GATA4: variants seen among roughly 807,000 people sequenced by gnomAD.
GATA4 encodes GATA binding protein 4.
In GATA4, 7 loss-of-function variants were observed where a neutral mutation model predicts 37.9. That is an observed-to-expected ratio of 0.18 (90% confidence interval 0.11 to 0.35). The LOEUF is 0.35. Ranked by LOEUF, GATA4 falls within the 10% of genes least tolerant of loss-of-function variation. The pLI is 1.00. For missense variants in GATA4, 647 were observed against 653.0 expected, an observed-to-expected ratio of 0.99 and a Z score of 0.10; for synonymous variants, 372 against 292.6, an observed-to-expected ratio of 1.27 and a Z score of -2.77.
At chr8:11,743,984 A>G (rs182734331) in intron 2 of GATA4, among the ~76,000 whole-genome samples, 3 of 152,350 alleles carry the variant, frequency 2.0e-5, no homozygotes, top group Admixed American at 2.0e-4. Flanking sequence ...TCATTGCTAA[A>G]CTAATCATTA....
At chr8:11,742,363 C>T (rs1211728997) in intron 2 of GATA4, among the ~76,000 whole-genome samples, 7 of 150,202 alleles carry the variant, frequency 4.7e-5, no homozygotes, top group African/African-American at 1.2e-4. Flanking sequence ...CCCCTCCCTC[C>T]GTTCTTGTTT....
At chr8:11,752,631 A>G (rs1802358958) in intron 4 of GATA4, among the ~76,000 whole-genome samples, 1 of 152,212 alleles carries the variant, frequency 6.6e-6, no homozygotes, top group African/African-American at 2.4e-5. Flanking sequence ...AACCAAGTCA[A>G]TAGATATATA....
chr8:11,721,199 T>G (rs1800658409), intron 2 of GATA4, among the ~76,000 whole-genome samples: 1 of 151,156 alleles, frequency 6.6e-6, no homozygotes, highest in Non-Finnish European at 1.5e-5. Context: ...CCTGGGCGCC[T>G]GAAGTCAAGG....
intron 2 of GATA4, among the ~76,000 whole-genome samples, chr8:11,711,747 C>CAAAA: frequency 1.8e-5 from 1 of 56,862 alleles, no homozygotes; most frequent in Non-Finnish European, 3.4e-5. Context: ...GACCCTCTCT[C>CAAAA]AAAAAAAAAA....
intron 1 of GATA4, among the ~76,000 whole-genome samples, chr8:11,678,380 G>A (rs1455372733): frequency 2.0e-5 from 3 of 152,152 alleles, no homozygotes; most frequent in Non-Finnish European, 4.4e-5. Flanking sequence ...CGGCTTCCAG[G>A]GGGTGATTTG....
At chr8:11,697,558 G>C in intron 1 of GATA4, 1 of 985,402 alleles carries the variant, frequency 1.0e-6, no homozygotes, top group Non-Finnish European at 1.2e-6. Context: ...CCCCTCCACC[G>C]CCAGGGAAGC....
chr8:11,719,379 C>T (rs574666077), intron 2 of GATA4, among the ~76,000 whole-genome samples: 2 of 151,880 alleles, frequency 1.3e-5, no homozygotes, highest in East Asian at 1.9e-4. Context: ...TAACTTGACC[C>T]GAAATAAAGA....
At chr8:11,692,607 G>A, upstream of GATA4, 4 of 985,334 alleles carry the variant, frequency 4.1e-6, no homozygotes, top group Non-Finnish European at 4.8e-6. Flanking sequence ...GCTGGGGCGG[G>A]AACCGGCTTC....
chr8:11,708,058 A>ACATCAG lies in GATA4; in HGVS notation c.-253_-248dup. On this transcript the variant is annotated 5_prime_UTR_variant, in exon 2 of 7. Coordinates refer to ENST00000532059, the MANE Select transcript of GATA4 (RefSeq NM_001308093.3). This position sits in a 1 kb window ranked among gnomAD's most constrained non-coding sequence, Gnocchi z 6.7. ...CCCTGGGGTGAATTCAGCTGCTCCT[A>ACATCAG]CATCAGCTTCCGGAACCACCAAAAA... The ACATCAG allele has an allele frequency of 1.8e-6, 1 of 559,266 alleles. No homozygotes were observed. Among genetic ancestry groups the ACATCAG allele is most frequent in the Admixed American group, 2.5e-5 (1 of 39,624 alleles). 34.6% of individuals were successfully genotyped at this position (559,266 alleles called of 1,614,324 possible).
At chr8:11,693,115 G>A in intron 1 of GATA4, 1 of 969,508 alleles carries the variant, frequency 1.0e-6, no homozygotes, top group Non-Finnish European at 1.2e-6. Context: ...CTTAATCCCA[G>A]TGTCTGTTAA....
rs951980840 is a variant in GATA4, at chr8:11,697,631, C to A, written c.-728-2877C>A. On this transcript the variant is annotated intron_variant, in intron 1 of 2. Transcript: ENST00000526974. ...TGGCCGGACGGCCGGGCCTCCGGCC[C>A]CAGCACAGCCCCCCTTTCAGAGGAC... is the stretch of plus-strand genomic sequence containing the variant. 7 of 985,408 alleles carry A rather than the reference C, an allele frequency of 7.1e-6. No homozygotes were observed. In the Admixed American group the frequency reaches 4.3e-4, roughly 60 times the overall value. The allele number at this position is 985,408 out of a possible 1,614,324, so 61.0% of individuals were successfully genotyped here.
chr8:11,704,168 C>G (rs1206019224), upstream of GATA4: 2 of 152,244 alleles, frequency 1.3e-5, no homozygotes, highest in Non-Finnish European at 2.9e-5. Flanking sequence ...GCCCTAGGGC[C>G]GAGTTGCTGG....
chr8:11,732,448 G>T (rs1801256274), intron 2 of GATA4, among the ~76,000 whole-genome samples: 1 of 152,198 alleles, frequency 6.6e-6, no homozygotes, highest in Admixed American at 6.5e-5. Context: ...GTAAATGTTT[G>T]ATTTGCTTGG....
upstream of GATA4, among the ~76,000 whole-genome samples, chr8:11,702,861 C>G (rs1389278321): frequency 6.6e-6 from 1 of 152,234 alleles, no homozygotes; most frequent in Non-Finnish European, 1.5e-5. This position sits in a 1 kb window ranked among gnomAD's most constrained non-coding sequence, Gnocchi z 4.4. Context: ...CCGCACCTCT[C>G]ATTCAGGGAA....
chr8:11,710,146 C>G (rs1323535229), intron 2 of GATA4, among the ~76,000 whole-genome samples: 1 of 152,128 alleles, frequency 6.6e-6, no homozygotes, highest in East Asian at 1.9e-4. Context: ...CCTGGGTGGC[C>G]AGGGAAGGTT....
upstream of GATA4, among the ~76,000 whole-genome samples, chr8:11,703,432 T>C (rs112718516): frequency 0.041 from 6,145 of 151,372 alleles, 155 homozygotes; most frequent in Middle Eastern, 0.1. Flanking sequence ...GCCCCCTCCA[T>C]GAAGAAGCTC....
At chr8:11,677,273 G>A (rs1410823599) in intron 1 of GATA4, among the ~76,000 whole-genome samples, 1 of 152,202 alleles carries the variant, frequency 6.6e-6, no homozygotes, top group Non-Finnish European at 1.5e-5. Context: ...AGGAAGGAAG[G>A]ATGAGGCTCT....
At chr8:11,739,918 C>T (rs901589625) in intron 2 of GATA4, among the ~76,000 whole-genome samples, 5 of 152,198 alleles carry the variant, frequency 3.3e-5, no homozygotes, top group African/African-American at 1.2e-4. Flanking sequence ...ACTGTGCCAC[C>T]TGCCCCTTGC....
chr8:11,692,860 A>G (rs1799365371), intron 1 of GATA4: 2 of 980,254 alleles, frequency 2.0e-6, no homozygotes, highest in Non-Finnish European at 2.4e-6. Context: ...GCTGACCCCG[A>G]GCGCCGCCGA....
Sources: allele counts gnomAD v4.1 joint callset (sites outside exome capture counted in the v4.1 genomes callset), GRCh38; gene constraint gnomAD v4.1.1; non-coding constraint Gnocchi (gnomAD v3.1); transcripts MANE v1.5; gene names NCBI Gene and HGNC (gene_info 2026-07-23, HGNC 2026-07-21).